The following NKAIN2 variants were observed in gnomAD, a reference collection of about 807,000 sequenced individuals.
The protein encoded by NKAIN2 is sodium/potassium transporting ATPase interacting 2.
NKAIN2 carries 14 observed loss-of-function variants against 32.6 expected under a neutral mutation model. The observed-to-expected ratio is 0.43, with a 90% CI of 0.28 to 0.67. The LOEUF (loss-of-function observed/expected upper bound fraction) is 0.67, where lower values mean the gene tolerates loss of function less well. Among genes scored for constraint, NKAIN2 ranks in the 30% least tolerant of loss-of-function variants. The pLI, the probability that NKAIN2 is intolerant of heterozygous loss-of-function variation, is 0.17. For synonymous variants in NKAIN2, 80 were observed against 87.2 expected (o/e 0.92, Z 0.46); for missense variants, 198 against 258.3 (o/e 0.77, Z 1.60).
intron 1 of NKAIN2, among the ~76,000 whole-genome samples, chr6:123,849,470 T>G (rs912460664): frequency 6.6e-6 from 1 of 152,126 alleles, no homozygotes; most frequent in African/African-American, 2.4e-5. Flanking sequence ...AGGCTCACCT[T>G]AGAGTCCCAC....
At chr6:123,941,523 A>G (rs1370233055) in intron 1 of NKAIN2, among the ~76,000 whole-genome samples, 2 of 151,884 alleles carry the variant, frequency 1.3e-5, no homozygotes, top group East Asian at 3.9e-4. Context: ...TTTCAGCCCC[A>G]TTATAATCTT....
intron 3 of NKAIN2, among the ~76,000 whole-genome samples, chr6:124,614,075 T>C (rs917074673): frequency 1.3e-5 from 2 of 152,138 alleles, no homozygotes; most frequent in Non-Finnish European, 2.9e-5. Context: ...CCCTACCAAA[T>C]TTTTTCTCCT....
chr6:123,856,449 T>C (rs1375373198), intron 1 of NKAIN2, among the ~76,000 whole-genome samples: 5 of 152,364 alleles, frequency 3.3e-5, no homozygotes, highest in Admixed American at 3.3e-4. Context: ...TCATTTGATA[T>C]ACTGAAAATT....
rs183337202 is a variant in NKAIN2 at position 124,573,283 on chromosome 6, A to C, written c.274-84903A>C. On this transcript the variant is annotated intron_variant, in intron 3 of 6. Transcript: ENST00000368417. ...TGTTTGGATGTTCAGGCAGCAGCAT[A>C]CGCCTTTCCTTCACTACTTCCTATT... Among the ~76,000 whole-genome samples the C allele has an allele frequency of 1.3e-5, 2 of 152,316 alleles. 1 individual carries two copies. Among genetic ancestry groups the C allele is most frequent in the East Asian group, 3.9e-4 (2 of 5,182 alleles).
chr6:123,808,330 C>T (rs186706920), intron 1 of NKAIN2, among the ~76,000 whole-genome samples: 4 of 152,206 alleles, frequency 2.6e-5, no homozygotes, highest in Non-Finnish European at 5.9e-5. Context: ...CAAACTTACT[C>T]ATGAAGAAGA....
chr6:124,056,932 T>C (rs1023883117), intron 1 of NKAIN2, among the ~76,000 whole-genome samples: 2 of 152,060 alleles, frequency 1.3e-5, no homozygotes, highest in East Asian at 1.9e-4. Flanking sequence ...GAAACTGTTA[T>C]GGCTTTGTCT....
At chr6:124,709,737 A>G (rs928192313) in intron 4 of NKAIN2, among the ~76,000 whole-genome samples, 1 of 147,140 alleles carries the variant, frequency 6.8e-6, no homozygotes, top group Non-Finnish European at 1.5e-5. Flanking sequence ...TTTTTTCTTT[A>G]TTGCCAGCAG....
At position 124,454,117 on chromosome 6, in the gene NKAIN2, G is replaced by T. The variant is rs1211162418; in HGVS notation, c.273+98770G>T. Among the ~76,000 whole-genome samples the T allele has an allele frequency of 1.5e-4, 19 of 127,684 alleles. No homozygotes were observed. In the East Asian group the frequency reaches 1.9e-3, roughly 13 times the overall value. The allele number at this position is 127,684 out of a possible 152,430, so 83.8% of individuals were successfully genotyped here. On this transcript the variant is annotated intron_variant, in intron 3 of 6. Transcript: ENST00000368417. ...TTGGGTTTTTTTTTTGGGGGGGGGG[G>T]TTGCTGGTTTATTTGCTTTTGTGTG... is the stretch of plus-strand genomic sequence containing the variant.
rs73770489 is a variant in NKAIN2 at position 124,405,264 on chromosome 6, C to T, written c.273+49917C>T. ...AAAATATGGTAAAACCACAAATAAT[C>T]TCAATAATACTTAGATTCTTGATAG... is the stretch of plus-strand genomic sequence containing the variant. On this transcript the variant is annotated intron_variant, in intron 3 of 6. Transcript: ENST00000368417. Among the ~76,000 whole-genome samples the T allele has an allele frequency of 9.5e-3, 1,445 of 152,204 alleles. 19 individuals carry two copies. Among genetic ancestry groups the T allele is most frequent in the African/African-American group, 0.033 (1,379 of 41,508 alleles).
At chr6:124,766,370 G>A (rs774557137) in intron 4 of NKAIN2, among the ~76,000 whole-genome samples, 3 of 152,200 alleles carry the variant, frequency 2.0e-5, no homozygotes, top group African/African-American at 7.2e-5. Flanking sequence ...AGGGTAAGAA[G>A]TCCTCAGGGT....
chr6:124,526,395 C>T (rs188327507), intron 3 of NKAIN2, among the ~76,000 whole-genome samples: 1 of 152,198 alleles, frequency 6.6e-6, no homozygotes, highest in African/African-American at 2.4e-5. Flanking sequence ...AAAAAATGTA[C>T]TGGGTAAATT....
At chr6:124,745,423 A>C (rs1166526212) in intron 4 of NKAIN2, among the ~76,000 whole-genome samples, 1 of 151,920 alleles carries the variant, frequency 6.6e-6, no homozygotes, top group Non-Finnish European at 1.5e-5. Flanking sequence ...TTTAATATTT[A>C]GAATATTTCC....
At chr6:124,203,713 C>T (rs139673329) in intron 1 of NKAIN2, among the ~76,000 whole-genome samples, 1 of 151,864 alleles carries the variant, frequency 6.6e-6, no homozygotes, top group Non-Finnish European at 1.5e-5. Flanking sequence ...GAGCAAGTAT[C>T]TTGAAAAGAT....
chr6:123,976,867 A>G (rs1459545646), intron 1 of NKAIN2, among the ~76,000 whole-genome samples: 1 of 152,214 alleles, frequency 6.6e-6, no homozygotes, highest in African/African-American at 2.4e-5. Flanking sequence ...CATTACCAGT[A>G]TATTTCCTTC....
At chr6:124,784,217 A>G (rs1779400771) in intron 4 of NKAIN2, among the ~76,000 whole-genome samples, 1 of 152,168 alleles carries the variant, frequency 6.6e-6, no homozygotes, top group Non-Finnish European at 1.5e-5. Flanking sequence ...AAATAAAATG[A>G]GAGATTCTGT....
chr6:124,523,444 A>G (rs1347871654), intron 3 of NKAIN2, among the ~76,000 whole-genome samples: 1 of 152,066 alleles, frequency 6.6e-6, no homozygotes, highest in African/African-American at 2.4e-5. Flanking sequence ...TCTGTGTAAG[A>G]TGCCATTTTC....
At position 123,804,368 on chromosome 6, in the gene NKAIN2, G is replaced by A. The variant is rs1773127105; in HGVS notation, c.54+114G>A. ...ATGGACGAAAAAGATAAAAGAGAAG[G>A]TGACAGATATATTGCCTATATTGAA... On this transcript the variant is annotated intron_variant, in intron 1 of 6. Transcript: ENST00000368417. 22 of 921,084 alleles carry A rather than the reference G, an allele frequency of 2.4e-5. No individual in the cohort carries two copies. In the South Asian group the frequency reaches 2.7e-4, roughly 11 times the overall value. 57.1% of individuals were successfully genotyped at this position (921,084 alleles called of 1,614,324 possible). A position where few individuals can be genotyped will look rare whatever the true frequency, so the allele number is the denominator to read the frequency against.
chr6:124,492,128 C>T (rs1419620935), intron 3 of NKAIN2, among the ~76,000 whole-genome samples: 1 of 151,882 alleles, frequency 6.6e-6, no homozygotes, highest in Non-Finnish European at 1.5e-5. Context: ...GCATTTATAG[C>T]TCACAGAATA....
At chr6:123,998,783 T>A (rs1336631148) in intron 1 of NKAIN2, among the ~76,000 whole-genome samples, 3 of 144,750 alleles carry the variant, frequency 2.1e-5, no homozygotes, top group Non-Finnish European at 4.5e-5. Context: ...GTGTGGAAAA[T>A]ATATATATAT....
Sources: gnomAD v4.1 joint callset for allele counts (sites outside exome capture counted in the v4.1 genomes callset) on GRCh38, gnomAD v4.1.1 for gene constraint, MANE v1.5 for transcripts, NCBI Gene and HGNC (gene_info 2026-07-23, HGNC 2026-07-21) for gene names.